Variants in WWOX observed in about 807,000 individuals in gnomAD.
WWOX encodes the protein WW domain-containing oxidoreductase.
In WWOX, 69 loss-of-function variants were observed where a neutral mutation model predicts 46.2. The ratio of observed to expected loss-of-function variants is 1.49; its 90% CI spans 1.23 to 1.82. The LOEUF (loss-of-function observed/expected upper bound fraction) is 1.82. WWOX is among the 40% of genes most tolerant of loss of function. WWOX has a pLI of 0.00. For synonymous variants in WWOX, 359 were observed against 202.6 expected (o/e 1.77, Z -6.56); for missense variants, 919 against 542.6 (o/e 1.69, Z -6.89).
At chr16:79,060,768 G>C (rs1306542620) in intron 8 of WWOX, among the ~76,000 whole-genome samples, 1 of 152,218 alleles carries the variant, frequency 6.6e-6, no homozygotes, top group East Asian at 1.9e-4. Context: ...TGTTTTTTAA[G>C]ACTCTCAGTC....
At chr16:78,788,610 C>T (rs1403171624) in intron 8 of WWOX, among the ~76,000 whole-genome samples, 2 of 152,210 alleles carry the variant, frequency 1.3e-5, no homozygotes, top group African/African-American at 4.8e-5. Flanking sequence ...CTACCCCATA[C>T]CTCGCCCTAT....
chr16:79,118,913 A>T (rs2049572353), intron 8 of WWOX, among the ~76,000 whole-genome samples: 1 of 152,082 alleles, frequency 6.6e-6, no homozygotes, highest in South Asian at 2.1e-4. Flanking sequence ...TTATTTATCC[A>T]TTTCTATGTT....
intron 4 of WWOX, among the ~76,000 whole-genome samples, chr16:78,149,166 T>G (rs968222427): frequency 2.6e-5 from 4 of 152,086 alleles, no homozygotes; most frequent in African/African-American, 9.7e-5. Context: ...GGCCTTTGTG[T>G]TGGACGTTAA....
intron 8 of WWOX, among the ~76,000 whole-genome samples, chr16:78,574,956 A>G (rs1480468886): frequency 7.8e-6 from 1 of 128,534 alleles, no homozygotes; most frequent in Non-Finnish European, 1.6e-5. Flanking sequence ...TAATCAAATC[A>G]TTACTTTATA....
chr16:78,980,310 T>A (rs1040154321), intron 8 of WWOX, among the ~76,000 whole-genome samples: 1 of 152,234 alleles, frequency 6.6e-6, no homozygotes, highest in Non-Finnish European at 1.5e-5. Flanking sequence ...AGATGGCTCT[T>A]TGCCTTCAGG....
chr16:79,134,289 G>C (rs578246329), intron 8 of WWOX, among the ~76,000 whole-genome samples: 3 of 152,248 alleles, frequency 2.0e-5, no homozygotes, highest in African/African-American at 7.2e-5. Context: ...TGGTGGCACA[G>C]GCAGTAAAGG....
At chr16:78,357,126 G>A (rs373452540) in intron 5 of WWOX, among the ~76,000 whole-genome samples, 1 of 152,130 alleles carries the variant, frequency 6.6e-6, no homozygotes, top group African/African-American at 2.4e-5. Context: ...CAGAGCCTTC[G>A]TGGCCCCTAG....
At chr16:78,744,562 G>A (rs962749216) in intron 8 of WWOX, among the ~76,000 whole-genome samples, 2 of 150,836 alleles carry the variant, frequency 1.3e-5, no homozygotes, top group Non-Finnish European at 2.9e-5. Context: ...CTCCCGAGTA[G>A]CTGGGATTAC....
intron 5 of WWOX, among the ~76,000 whole-genome samples, chr16:78,368,006 C>A (rs544588419): frequency 6.6e-6 from 1 of 152,164 alleles, no homozygotes; most frequent in African/African-American, 2.4e-5. Flanking sequence ...ATCTGCCTGC[C>A]TCAGCCTCCC....
intron 8 of WWOX, among the ~76,000 whole-genome samples, chr16:78,488,940 G>C (rs980453232): frequency 3.3e-5 from 5 of 152,166 alleles, no homozygotes; most frequent in African/African-American, 9.7e-5. Context: ...TGTGCTTTCT[G>C]ATAATGGCAC....
chr16:78,668,082 C>G (rs975854190), intron 8 of WWOX, among the ~76,000 whole-genome samples: 2 of 152,130 alleles, frequency 1.3e-5, no homozygotes, highest in Admixed American at 6.5e-5. Flanking sequence ...AATTCAAGAC[C>G]AGCCTGGCCA....
At chr16:78,726,251 G>C (rs1405712702) in intron 8 of WWOX, among the ~76,000 whole-genome samples, 1 of 143,690 alleles carries the variant, frequency 7.0e-6, no homozygotes, top group Non-Finnish European at 1.5e-5. Context: ...TTTGGAAACA[G>C]TCTTGCTCTG....
chr16:79,104,426 G>A (rs1458962905), intron 8 of WWOX, among the ~76,000 whole-genome samples: 1 of 152,022 alleles, frequency 6.6e-6, no homozygotes, highest in African/African-American at 2.4e-5. Flanking sequence ...TTGCTATAAT[G>A]GCTTTATCAT....
At chr16:78,454,113 A>G (rs1003805413) in intron 8 of WWOX, among the ~76,000 whole-genome samples, 5 of 152,164 alleles carry the variant, frequency 3.3e-5, no homozygotes, top group East Asian at 1.9e-4. Flanking sequence ...CTCTTCCAGT[A>G]TTCTAGAGTT....
At chr16:78,343,514 C>T (rs1199709520) in intron 5 of WWOX, among the ~76,000 whole-genome samples, 1 of 120,976 alleles carries the variant, frequency 8.3e-6, no homozygotes. Flanking sequence ...ATGCTCTGAG[C>T]TGGGTCTTAA....
intron 8 of WWOX, among the ~76,000 whole-genome samples, chr16:79,077,678 C>G (rs1421082687): frequency 6.7e-6 from 1 of 148,958 alleles, no homozygotes; most frequent in Non-Finnish European, 1.5e-5. Flanking sequence ...ATTTACATCT[C>G]TCGTAGCATC....
At chr16:78,313,010 C>T (rs1388716161) in intron 5 of WWOX, among the ~76,000 whole-genome samples, 2 of 151,992 alleles carry the variant, frequency 1.3e-5, no homozygotes, top group Non-Finnish European at 2.9e-5. Flanking sequence ...TGTTTTCATT[C>T]ACGGGGGCAG....
intron 5 of WWOX, among the ~76,000 whole-genome samples, chr16:78,222,617 A>G (rs1051910753): frequency 3.3e-5 from 5 of 152,156 alleles, no homozygotes; most frequent in Non-Finnish European, 5.9e-5. Context: ...ACTTTTTACC[A>G]TTTAATCAGC....
intron 8 of WWOX, among the ~76,000 whole-genome samples, chr16:79,086,635 C>G (rs1259851988): frequency 6.6e-6 from 1 of 152,174 alleles, no homozygotes; most frequent in East Asian, 1.9e-4. Flanking sequence ...AATTCCAACA[C>G]TTTGGGAGGC....
Sources: allele counts gnomAD v4.1 joint callset (sites outside exome capture counted in the v4.1 genomes callset), GRCh38; gene constraint gnomAD v4.1.1; transcripts MANE v1.5; gene names NCBI Gene and HGNC (gene_info 2026-07-23, HGNC 2026-07-21).